The following TDP1 variants were observed in gnomAD, a reference collection of about 807,000 sequenced individuals.
The protein encoded by TDP1 is tyr-DNA phosphodiesterase 1.
A neutral mutation model predicts 81.5 loss-of-function variants in TDP1; 64 were observed. That is an observed-to-expected ratio of 0.79 (90% confidence interval 0.64 to 0.97). The LOEUF (loss-of-function observed/expected upper bound fraction) is 0.97. Ranked by LOEUF, TDP1 falls within the 50% of genes least tolerant of loss-of-function variation. The pLI, the probability that TDP1 is intolerant of heterozygous loss-of-function variation, is 0.00. For synonymous variants in TDP1, 256 were observed against 264.3 expected, an observed-to-expected ratio of 0.97 and a Z score of 0.30; for missense variants, 723 against 743.8, an observed-to-expected ratio of 0.97 and a Z score of 0.33.
intron 15 of TDP1, among the ~76,000 whole-genome samples, chr14:90,031,344 T>TG (rs1383507868): frequency 2.1e-5 from 3 of 142,340 alleles, no homozygotes; most frequent in Non-Finnish European, 4.6e-5. Context: ...CACCTATGAG[T>TG]GAGAATATGC....
intron 15 of TDP1, among the ~76,000 whole-genome samples, chr14:90,026,216 C>T (rs1215307056): frequency 1.3e-5 from 2 of 152,236 alleles, no homozygotes; most frequent in Non-Finnish European, 2.9e-5. Flanking sequence ...AGAGCCACCA[C>T]CTTAACCCTC....
chr14:90,007,899 C>T (rs918423243), intron 14 of TDP1, among the ~76,000 whole-genome samples: 2 of 152,110 alleles, frequency 1.3e-5, no homozygotes, highest in African/African-American at 4.8e-5. Flanking sequence ...GCCTGGTCTT[C>T]CTCTAAGTTC....
chr14:90,029,730 C>G (rs1887068583), intron 15 of TDP1, among the ~76,000 whole-genome samples: 1 of 152,064 alleles, frequency 6.6e-6, no homozygotes, highest in African/African-American at 2.4e-5. Flanking sequence ...AACTCCTGAC[C>G]TCAGGTGATC....
chr14:90,025,184 A>T (rs987196122), intron 15 of TDP1, among the ~76,000 whole-genome samples: 1 of 152,202 alleles, frequency 6.6e-6, no homozygotes, highest in Non-Finnish European at 1.5e-5. Context: ...CCTCACCTAG[A>T]AAAGGAATCC....
chr14:89,975,225 G>A (rs1404589236), intron 6 of TDP1, among the ~76,000 whole-genome samples: 1 of 152,144 alleles, frequency 6.6e-6, no homozygotes, highest in Non-Finnish European at 1.5e-5. Flanking sequence ...ACAGGCGCTG[G>A]CCACCACGCC....
chr14:89,962,824 A>G (rs1033126566), intron 2 of TDP1: 7 of 718,126 alleles, frequency 9.7e-6, no homozygotes, highest in African/African-American at 3.9e-5. Context: ...GTCAGCTGAG[A>G]TTGAACCACT....
chr14:89,992,485 C>T (rs1896300990), intron 13 of TDP1, among the ~76,000 whole-genome samples: 1 of 152,152 alleles, frequency 6.6e-6, no homozygotes, highest in East Asian at 1.9e-4. Flanking sequence ...AGTTGCACAG[C>T]CTGCATATGC....
chr14:90,022,821 G>A, intron 15 of TDP1: 4 of 954,620 alleles, frequency 4.2e-6, no homozygotes, highest in Non-Finnish European at 5.0e-6. Context: ...AGAGATTTGT[G>A]CCATGAGGTA....
rs754101087 is a variant in TDP1, at chr14:90,043,050, G to A, written c.1754-20G>A. On this transcript the variant is annotated intron_variant, in intron 16 of 16. Transcript: ENST00000335725. ...ACCATCCTATTCAAATAAATATTAC[G>A]TAATGTGTTTTTCCCCCAGATCGGC... 19 of 1,613,942 alleles carry A rather than the reference G, an allele frequency of 1.2e-5. No homozygotes were observed. The highest frequency in any genetic ancestry group is 3.3e-5 in the South Asian group (3 of 91,084).
chr14:89,975,092 TGGAGAC>T (rs1296253819), intron 6 of TDP1, among the ~76,000 whole-genome samples: 4 of 152,240 alleles, frequency 2.6e-5, no homozygotes, highest in African/African-American at 7.2e-5. Context: ...TTTTTGTTTT[TGGAGAC>T]GGAGTCTCGC....
chr14:89,997,006 T>G (rs1896700800), intron 14 of TDP1, among the ~76,000 whole-genome samples: 1 of 152,248 alleles, frequency 6.6e-6, no homozygotes, highest in Non-Finnish European at 1.5e-5. Context: ...AGAATTTACA[T>G]TGGCATGAAA....
At chr14:89,982,082 G>T (rs1396686212) in intron 8 of TDP1, among the ~76,000 whole-genome samples, 3 of 152,110 alleles carry the variant, frequency 2.0e-5, no homozygotes, top group Non-Finnish European at 4.4e-5. Context: ...GTCCTTCAGA[G>T]TTTGAAAGGG....
intron 7 of TDP1, among the ~76,000 whole-genome samples, chr14:89,978,715 A>T (rs972808503): frequency 6.6e-6 from 1 of 152,228 alleles, no homozygotes; most frequent in African/African-American, 2.4e-5. Context: ...TGACTAATGG[A>T]AATATTTGTA....
At chr14:89,971,949 G>T (rs1893712979) in intron 6 of TDP1, among the ~76,000 whole-genome samples, 1 of 152,082 alleles carries the variant, frequency 6.6e-6, no homozygotes. Flanking sequence ...GGTCTAAACA[G>T]GAGAGACCCA....
At chr14:90,006,741 G>T (rs1011622626) in intron 14 of TDP1, among the ~76,000 whole-genome samples, 1 of 152,124 alleles carries the variant, frequency 6.6e-6, no homozygotes, top group African/African-American at 2.4e-5. Context: ...GTTTCACCAT[G>T]TTGGCCAGGC....
intron 5 of TDP1, among the ~76,000 whole-genome samples, chr14:89,970,164 C>T (rs1334257073): frequency 6.6e-6 from 1 of 152,140 alleles, no homozygotes; most frequent in Non-Finnish European, 1.5e-5. Flanking sequence ...GCGTGAGCCA[C>T]CGCGCCTGGC....
At chr14:90,024,176 C>A (rs1043972749) in intron 15 of TDP1, among the ~76,000 whole-genome samples, 1 of 152,156 alleles carries the variant, frequency 6.6e-6, no homozygotes, top group Non-Finnish European at 1.5e-5. Flanking sequence ...GGCTTCTTTT[C>A]CCCTTCGTGC....
Position 89,975,834 on chromosome 14 carries a change from A to G in TDP1, c.791+19A>G. ...ACCACACGTAAGCACTTTTTGTGAA[A>G]TAGGGGAACCCCTCAAGCATTGTCA... On this transcript the variant is annotated intron_variant, in intron 7 of 16. Transcript: ENST00000335725. 2 of 1,602,466 alleles carry G rather than the reference A, an allele frequency of 1.2e-6. No individual in the cohort carries two copies. Among genetic ancestry groups the G allele is most frequent in the Non-Finnish European group, 1.7e-6 (2 of 1,169,416 alleles).
chr14:90,037,540 A>C (rs1887944249), intron 16 of TDP1, among the ~76,000 whole-genome samples: 1 of 152,118 alleles, frequency 6.6e-6, no homozygotes, highest in Non-Finnish European at 1.5e-5. Context: ...CATAATTCCA[A>C]ATTTACAGAA....
Sources: gnomAD v4.1 joint callset for allele counts (sites outside exome capture counted in the v4.1 genomes callset) on GRCh38, gnomAD v4.1.1 for gene constraint, MANE v1.5 for transcripts, NCBI Gene and HGNC (gene_info 2026-07-23, HGNC 2026-07-21) for gene names.